RASAL2: variants seen among roughly 807,000 people sequenced by gnomAD.
RASAL2 encodes the protein RAS protein activator like 2, also known as ras GTPase-activating protein nGAP.
RASAL2 carries 58 observed loss-of-function variants against 128.9 expected under a neutral mutation model. That is an observed-to-expected ratio of 0.45 (90% confidence interval 0.36 to 0.56). RASAL2 has a LOEUF of 0.56. RASAL2 is among the 20% of genes least tolerant of loss of function. RASAL2 has a pLI of 0.00. For synonymous variants in RASAL2, 561 were observed against 580.8 expected (o/e 0.97, Z 0.49); for missense variants, 1,360 against 1,601.6 (o/e 0.85, Z 2.57).
chr1:178,266,906 G>C (rs544290164), intron 1 of RASAL2, among the ~76,000 whole-genome samples: 1 of 152,256 alleles, frequency 6.6e-6, no homozygotes, highest in East Asian at 1.9e-4. Context: ...CACATGTGGG[G>C]GCAAAGGCAA....
chr1:178,372,050 CT>C (rs1245051253), intron 3 of RASAL2: 3 of 544,816 alleles, frequency 5.5e-6, no homozygotes, highest in African/African-American at 4.1e-5. Context: ...CCCCCTCCCC[CT>C]GGTTGTATTA....
intron 3 of RASAL2, among the ~76,000 whole-genome samples, chr1:178,386,361 G>T (rs1672565897): frequency 1.3e-5 from 2 of 152,182 alleles, no homozygotes; most frequent in Admixed American, 1.3e-4. Flanking sequence ...GGATAACCCA[G>T]TTTATTAAAT....
At chr1:178,325,878 G>A (rs1231172071) in intron 3 of RASAL2, among the ~76,000 whole-genome samples, 6 of 152,054 alleles carry the variant, frequency 3.9e-5, no homozygotes, top group African/African-American at 1.2e-4. Context: ...ATTGCTTGAG[G>A]TCAGGTGTTT....
chr1:178,309,939 C>T (rs1668160048), intron 3 of RASAL2, among the ~76,000 whole-genome samples: 2 of 152,100 alleles, frequency 1.3e-5, no homozygotes, highest in Non-Finnish European at 2.9e-5. Flanking sequence ...AACACTCATG[C>T]AGTGAACTGA....
chr1:178,297,286 C>G (rs1399776179), intron 2 of RASAL2, among the ~76,000 whole-genome samples: 1 of 151,814 alleles, frequency 6.6e-6, no homozygotes, highest in East Asian at 1.9e-4. Context: ...AGGAGTAGAT[C>G]AATATCTTTT....
intron 1 of RASAL2, among the ~76,000 whole-genome samples, chr1:178,213,109 C>T (rs919407509): frequency 2.5e-4 from 37 of 150,740 alleles, no homozygotes; most frequent in African/African-American, 8.8e-4. Context: ...GATCTCGGCT[C>T]ACCACAACCT....
chr1:178,451,959 A>G (rs1364020876), intron 10 of RASAL2, among the ~76,000 whole-genome samples: 1 of 152,226 alleles, frequency 6.6e-6, no homozygotes, highest in Non-Finnish European at 1.5e-5. Flanking sequence ...ATAGAATATT[A>G]GTACTATAGC....
At chr1:178,247,728 A>T (rs1340979539) in intron 1 of RASAL2, among the ~76,000 whole-genome samples, 3 of 152,138 alleles carry the variant, frequency 2.0e-5, no homozygotes, top group Non-Finnish European at 4.4e-5. Flanking sequence ...TTCCCTCTTA[A>T]CACTGCCTTA....
intron 5 of RASAL2, among the ~76,000 whole-genome samples, chr1:178,427,880 A>G (rs1368323526): frequency 1.3e-5 from 2 of 152,108 alleles, no homozygotes; most frequent in Non-Finnish European, 1.5e-5. Context: ...CTGTTTCATT[A>G]CCAAGAAAGA....
intron 3 of RASAL2, chr1:178,372,111 C>G (rs1364698709): frequency 6.6e-5 from 62 of 943,386 alleles, no homozygotes; most frequent in Non-Finnish European, 7.8e-5. Context: ...ATCACATTTT[C>G]TCTTTCATCA....
intron 1 of RASAL2, among the ~76,000 whole-genome samples, chr1:178,156,984 C>T (rs1661106548): frequency 6.6e-6 from 1 of 152,076 alleles, no homozygotes; most frequent in South Asian, 2.1e-4. Context: ...AGCCTAAATA[C>T]CTACTTAGAT....
chr1:178,119,756 G>A (rs920446735), intron 1 of RASAL2, among the ~76,000 whole-genome samples: 30 of 152,108 alleles, frequency 2.0e-4, no homozygotes, highest in Admixed American at 5.9e-4. Context: ...TGTCAACATC[G>A]GTAGACTTGT....
chr1:178,101,532 A>G (rs1658899128), intron 1 of RASAL2, among the ~76,000 whole-genome samples: 1 of 152,218 alleles, frequency 6.6e-6, no homozygotes, highest in Non-Finnish European at 1.5e-5. Flanking sequence ...ATACTTATAG[A>G]TATTGATTGA....
chr1:178,218,985 T>A (rs571353529), intron 1 of RASAL2, among the ~76,000 whole-genome samples: 7 of 152,364 alleles, frequency 4.6e-5, no homozygotes, highest in African/African-American at 1.7e-4. Context: ...TGAAAATCTG[T>A]TGTTTAGTGT....
intron 1 of RASAL2, among the ~76,000 whole-genome samples, chr1:178,229,380 G>T (rs1044247334): frequency 1.3e-5 from 2 of 151,916 alleles, no homozygotes; most frequent in African/African-American, 4.8e-5. Flanking sequence ...GCTTTAAATT[G>T]TCTGTCATTA....
At chr1:178,119,129 A>G (rs920989000) in intron 1 of RASAL2, among the ~76,000 whole-genome samples, 1 of 152,164 alleles carries the variant, frequency 6.6e-6, no homozygotes, top group Non-Finnish European at 1.5e-5. Context: ...TGGCCTCCCA[A>G]AGTGCTGGGA....
chr1:178,472,184 T>TA (rs1372411627), intron 17 of RASAL2, among the ~76,000 whole-genome samples: 3 of 152,200 alleles, frequency 2.0e-5, no homozygotes, highest in Non-Finnish European at 4.4e-5. Context: ...ATGATTTTAT[T>TA]AAAAAAATTT....
chr1:178,290,730 C>T (rs1339967608), intron 2 of RASAL2, among the ~76,000 whole-genome samples: 3 of 152,040 alleles, frequency 2.0e-5, no homozygotes, highest in South Asian at 2.1e-4. Flanking sequence ...GGCTGAAGTG[C>T]GGTGGTGCGA....
chr1:178,320,662 G>T (rs546285513), intron 3 of RASAL2, among the ~76,000 whole-genome samples: 5 of 152,276 alleles, frequency 3.3e-5, no homozygotes, highest in South Asian at 2.1e-4. Flanking sequence ...CGCACACGGT[G>T]CGCGCACCCA....
Sources: gnomAD v4.1 joint callset for allele counts (sites outside exome capture counted in the v4.1 genomes callset) on GRCh38, gnomAD v4.1.1 for gene constraint, MANE v1.5 for transcripts, NCBI Gene and HGNC (gene_info 2026-07-23, HGNC 2026-07-21) for gene names.